SVEP1: variants seen among roughly 807,000 people sequenced by gnomAD.
SVEP1 encodes sushi, von Willebrand factor type A, EGF and pentraxin domain-containing protein 1.
A neutral mutation model predicts 367.3 loss-of-function variants in SVEP1; 164 were observed. The observed-to-expected ratio is 0.45, with a 90% CI of 0.39 to 0.51. SVEP1 has a LOEUF of 0.51. Ranked by LOEUF, SVEP1 falls within the 20% of genes least tolerant of loss-of-function variation. SVEP1 has a pLI of 0.00. For missense variants in SVEP1, 4,117 were observed against 4,425.3 expected, an observed-to-expected ratio of 0.93 and a Z score of 1.98; for synonymous variants, 1,666 against 1,611.6, an observed-to-expected ratio of 1.03 and a Z score of -0.81.
chr9:110,426,129 T>C (rs1408344066), intron 36 of SVEP1, among the ~76,000 whole-genome samples: 1 of 152,200 alleles, frequency 6.6e-6, no homozygotes, highest in East Asian at 1.9e-4. Flanking sequence ...TCAAAAGCCA[T>C]TCCTGCATTG....
At position 110,469,107 on chromosome 9, in the gene SVEP1, G is replaced by C; in HGVS notation, c.2999-6C>G. 6.2e-7 allele frequency: 1 copy of C among 1,606,760 alleles called. No homozygotes were observed. The highest frequency in any genetic ancestry group is 8.5e-7 in the Non-Finnish European group (1 of 1,176,422). ...GGTTCCCAAAGGGCAATTGACTACA[G>C]AAAAAGCAAACAGGAAACACTGAAT... is the stretch of plus-strand genomic sequence containing the variant. On this transcript the variant is annotated splice_polypyrimidine_tract_variant and splice_region_variant and intron_variant, in intron 16 of 47. Coordinates refer to ENST00000374469, the MANE Select transcript of SVEP1 (RefSeq NM_153366.4).
chr9:110,539,732 C>T (rs1209290708), intron 3 of SVEP1, among the ~76,000 whole-genome samples: 1 of 151,592 alleles, frequency 6.6e-6, no homozygotes, highest in Non-Finnish European at 1.5e-5. Context: ...CACCCTTGCA[C>T]AGAGGGGCCA....
chr9:110,471,596 A>G lies in SVEP1; in HGVS notation c.2766T>C (p.Ala922=), dbSNP rs762600460. ...TTCTTTCATCGGGTAATGGCACACT[A>G]GCTGAGATAAAAACAAAATAAAACA... ...YKIKLIFNIT[A]SVPLPDERND... Residue 922 remains alanine (A), a splice_region_variant and synonymous_variant, in exon 16 of 48, where the codon GCT becomes GCC. Coordinates refer to ENST00000374469, the MANE Select transcript of SVEP1 (RefSeq NM_153366.4). 6.2e-7 allele frequency: 1 copy of G among 1,610,352 alleles called. No individual in the cohort carries two copies. The highest frequency in any genetic ancestry group is 8.5e-7 in the Non-Finnish European group (1 of 1,177,626).
Position 110,472,245 on chromosome 9 carries a change from G to A in SVEP1, c.2678C>T (p.Thr893Ile). The A allele has an allele frequency of 6.2e-7, 1 of 1,613,668 alleles. No individual in the cohort carries two copies. Among genetic ancestry groups the A allele is most frequent in the Non-Finnish European group, 8.5e-7 (1 of 1,179,812 alleles). ...TGAGGACTTGGCATTGCCGATGCTT[G>A]TGGCTGTTTCTTGCACAGTGTCCAG... is the stretch of plus-strand genomic sequence containing the variant. Reference protein sequence around the residue: ...DFLDTVQETATSIGNAKSSRI... With the variant: ...DFLDTVQETAISIGNAKSSRI... Residue 893 changes from threonine (T) to isoleucine (I), a missense_variant, in exon 15 of 48, where the codon ACA (threonine) becomes ATA (isoleucine). Thr to Ile is a moderately conservative substitution (Grantham distance 89, BLOSUM62 -1). Transcript: ENST00000374469.
intron 36 of SVEP1, among the ~76,000 whole-genome samples, chr9:110,427,021 A>G (rs1476423870): frequency 6.6e-6 from 1 of 152,158 alleles, no homozygotes; most frequent in East Asian, 1.9e-4. Context: ...TAGTAGTACA[A>G]TATAAGGCTG....
At position 110,386,065 on chromosome 9, in the gene SVEP1, C is replaced by G. The variant is rs1418701072; in HGVS notation, c.10070G>C (p.Cys3357Ser). 6.2e-7 allele frequency: 1 copy of G among 1,607,346 alleles called. No individual in the cohort carries two copies. The highest frequency in any genetic ancestry group is 1.7e-5 in the Admixed American group (1 of 58,356). ...CTCGGGAATCACAAAAGGAACAGGG[C>G]ATGGATTTGCTGTCAAAAAGAAAAG... is the stretch of plus-strand genomic sequence containing the variant. ...HPVPLCKPNP[C>S]PVPFVIPENA... The change falls in exon 43 of 48, where the codon TGC (cysteine) becomes TCC (serine). Residue 3357 changes from cysteine (C) to serine (S), a missense_variant. Physicochemically the swap from Cys to Ser is moderately radical, Grantham distance 112. Transcript: ENST00000374469.
chr9:110,412,934 CT>C (rs1828065142), intron 36 of SVEP1, among the ~76,000 whole-genome samples: 1 of 151,016 alleles, frequency 6.6e-6, no homozygotes, highest in Admixed American at 6.6e-5. Flanking sequence ...CACTTTTACA[CT>C]GTTGGTGGGA....
intron 24 of SVEP1, among the ~76,000 whole-genome samples, chr9:110,449,100 C>T (rs909615746): frequency 2.0e-5 from 3 of 152,134 alleles, no homozygotes; most frequent in Non-Finnish European, 4.4e-5. Context: ...TTGTATACTA[C>T]AGATGTGCTG....
At chr9:110,517,162 A>G (rs1829814704) in intron 3 of SVEP1, among the ~76,000 whole-genome samples, 1 of 152,182 alleles carries the variant, frequency 6.6e-6, no homozygotes, top group African/African-American at 2.4e-5. Context: ...TAGAAAACAA[A>G]GCCATTTTAT....
chr9:110,528,156 G>GTGTGTGTGTGTGTATA, intron 3 of SVEP1, among the ~76,000 whole-genome samples: 1 of 33,948 alleles, frequency 2.9e-5, no homozygotes, highest in African/African-American at 1.1e-4. Flanking sequence ...GTGTGTGTGT[G>GTGTGTGTGTGTGTATA]TATATATATA....
chr9:110,404,152 T>G (rs1415686690), intron 39 of SVEP1, among the ~76,000 whole-genome samples, 175 bp downstream of exon 39: 1 of 152,220 alleles, frequency 6.6e-6, no homozygotes, highest in African/African-American at 2.4e-5. Flanking sequence ...GTGGGAATAC[T>G]GCAGAAAAAA....
intron 27 of SVEP1, among the ~76,000 whole-genome samples, chr9:110,438,417 C>T (rs10980387): frequency 0.15 from 22,703 of 151,964 alleles, 2,261 homozygotes; most frequent in East Asian, 0.43. Flanking sequence ...GTTGATCAGG[C>T]TGGTCTCCAA....
intron 9 of SVEP1, among the ~76,000 whole-genome samples, chr9:110,484,916 T>C (rs1829253517): frequency 2.0e-5 from 3 of 152,148 alleles, no homozygotes; most frequent in Non-Finnish European, 4.4e-5. Context: ...ATTGTGATTA[T>C]TAAAAAGTCA....
intron 13 of SVEP1, among the ~76,000 whole-genome samples, chr9:110,478,475 A>G (rs775670982): frequency 6.6e-6 from 1 of 152,182 alleles, no homozygotes; most frequent in Non-Finnish European, 1.5e-5. Context: ...TTAACCTGCT[A>G]CAATTTAGTG....
intron 47 of SVEP1, among the ~76,000 whole-genome samples, chr9:110,367,899 A>G (rs539322860): frequency 2.0e-5 from 3 of 152,204 alleles, no homozygotes; most frequent in Admixed American, 2.0e-4. Flanking sequence ...TGGCCAACAT[A>G]GTGAACCCTC....
intron 33 of SVEP1, 105 bp downstream of exon 33, chr9:110,430,169 G>T: frequency 7.8e-7 from 1 of 1,277,220 alleles, no homozygotes; most frequent in Non-Finnish European, 1.1e-6. Context: ...TAATACCTCA[G>T]TTCAAATACA....
chr9:110,431,846 T>A (rs1306858462), intron 32 of SVEP1, 69 bp downstream of exon 32: 1 of 1,581,660 alleles, frequency 6.3e-7, no homozygotes, highest in Non-Finnish European at 8.6e-7. Context: ...AGAAATAACA[T>A]ACACTTAAAA....
chr9:110,466,595 A>T (rs1223133626), intron 17 of SVEP1, among the ~76,000 whole-genome samples: 1 of 150,970 alleles, frequency 6.6e-6, no homozygotes, highest in Non-Finnish European at 1.5e-5. Flanking sequence ...CGTCTCTACT[A>T]AAAAAATACA....
At chr9:110,564,713 A>G (rs1392519698) in intron 1 of SVEP1, among the ~76,000 whole-genome samples, 1 of 152,018 alleles carries the variant, frequency 6.6e-6, no homozygotes, top group Non-Finnish European at 1.5e-5. Context: ...ACCAGGATGG[A>G]GCAAAATATT....
Sources: allele counts gnomAD v4.1 joint callset (sites outside exome capture counted in the v4.1 genomes callset), GRCh38; gene constraint gnomAD v4.1.1; transcripts MANE v1.5; gene names NCBI Gene and HGNC (gene_info 2026-07-23, HGNC 2026-07-21).